DYNC1I1: variants seen among roughly 807,000 people sequenced by gnomAD.
DYNC1I1 encodes dynein cytoplasmic 1 intermediate chain 1.
In DYNC1I1, 43 loss-of-function variants were observed where a neutral mutation model predicts 86.6. The ratio of observed to expected loss-of-function variants is 0.50; its 90% CI spans 0.39 to 0.64. DYNC1I1 has a LOEUF of 0.64. Ranked by LOEUF, DYNC1I1 falls within the 30% of genes least tolerant of loss-of-function variation. DYNC1I1 has a pLI of 0.00. For synonymous variants in DYNC1I1, 262 were observed against 283.7 expected (o/e 0.92, Z 0.77); for missense variants, 604 against 788.8 (o/e 0.77, Z 2.81).
chr7:96,094,182 A>G (rs1790929750), intron 16 of DYNC1I1, among the ~76,000 whole-genome samples: 1 of 152,154 alleles, frequency 6.6e-6, no homozygotes, highest in Non-Finnish European at 1.5e-5. Context: ...ATGATTCACT[A>G]CTGTATCTTT....
At chr7:95,830,200 T>G (rs1292061613) in intron 5 of DYNC1I1, among the ~76,000 whole-genome samples, 1 of 152,156 alleles carries the variant, frequency 6.6e-6, no homozygotes, top group African/African-American at 2.4e-5. Context: ...TTTAACACCT[T>G]TACTGAAGTA....
chr7:95,796,292 GTC>G (rs574506893), intron 1 of DYNC1I1, among the ~76,000 whole-genome samples: 1 of 151,368 alleles, frequency 6.6e-6, no homozygotes, highest in Admixed American at 6.6e-5. Flanking sequence ...GTTCTATGGG[GTC>G]TCTCTCTCTC....
intron 5 of DYNC1I1, among the ~76,000 whole-genome samples, chr7:95,829,505 T>C (rs1795274703): frequency 6.6e-6 from 1 of 152,124 alleles, no homozygotes; most frequent in Non-Finnish European, 1.5e-5. Context: ...AACTTCAGAA[T>C]GCAGTTCTTC....
intron 6 of DYNC1I1, among the ~76,000 whole-genome samples, chr7:95,967,211 T>A (rs2116527906): frequency 6.6e-6 from 1 of 152,282 alleles, no homozygotes; most frequent in East Asian, 1.9e-4. Flanking sequence ...TAGAGAATGA[T>A]AAATGCCATA....
chr7:95,923,324 G>A (rs2116384522), intron 6 of DYNC1I1, among the ~76,000 whole-genome samples: 1 of 152,234 alleles, frequency 6.6e-6, no homozygotes, highest in South Asian at 2.1e-4. Flanking sequence ...TTAGGACATA[G>A]TTAATAAAGC....
chr7:95,826,691 G>A (rs1795210109), intron 4 of DYNC1I1, among the ~76,000 whole-genome samples: 1 of 152,104 alleles, frequency 6.6e-6, no homozygotes, highest in Admixed American at 6.6e-5. Context: ...ATAAAGCAGG[G>A]GAAAGGAAGG....
intron 14 of DYNC1I1, among the ~76,000 whole-genome samples, chr7:96,060,123 C>G (rs1253609095): frequency 1.3e-5 from 2 of 152,198 alleles, no homozygotes; most frequent in African/African-American, 4.8e-5. Flanking sequence ...AACTAAAGTT[C>G]TATTCACAGT....
At chr7:95,796,331 C>A (rs77925818) in intron 1 of DYNC1I1, among the ~76,000 whole-genome samples, 1 of 151,960 alleles carries the variant, frequency 6.6e-6, no homozygotes, top group Admixed American at 6.6e-5. Context: ...TCTTTCTTGA[C>A]GGAGTTTCAC....
chr7:95,968,134 G>A (rs768966960), intron 6 of DYNC1I1, among the ~76,000 whole-genome samples: 20 of 151,760 alleles, frequency 1.3e-4, no homozygotes, highest in Non-Finnish European at 2.1e-4. Flanking sequence ...AAAGAGGTTA[G>A]AGGTAGGGAA....
chr7:96,069,942 G>T (rs1466605412), intron 14 of DYNC1I1, among the ~76,000 whole-genome samples: 1 of 152,048 alleles, frequency 6.6e-6, no homozygotes, highest in Non-Finnish European at 1.5e-5. Context: ...AACTAATTCA[G>T]GTTAAAGTCC....
downstream of DYNC1I1, among the ~76,000 whole-genome samples, chr7:96,100,528 G>A (rs1165482748): frequency 6.6e-6 from 1 of 151,984 alleles, no homozygotes; most frequent in African/African-American, 2.4e-5. Flanking sequence ...CAAAAGAATT[G>A]CAAAAATTAG....
intron 6 of DYNC1I1, among the ~76,000 whole-genome samples, chr7:95,927,837 C>G (rs562244537): frequency 6.6e-6 from 1 of 152,310 alleles, no homozygotes; most frequent in South Asian, 2.1e-4. Flanking sequence ...AAGACCAGAA[C>G]TGATGCCAGC....
intron 6 of DYNC1I1, among the ~76,000 whole-genome samples, chr7:95,946,927 A>G (rs140459558): frequency 2.1e-3 from 320 of 152,332 alleles, no homozygotes; most frequent in Non-Finnish European, 3.2e-3. Flanking sequence ...TCTCTGGCAT[A>G]GGATGGATAC....
intron 6 of DYNC1I1, among the ~76,000 whole-genome samples, chr7:95,938,605 A>AT (rs1424265513): frequency 2.0e-5 from 3 of 152,044 alleles, no homozygotes; most frequent in Non-Finnish European, 4.4e-5. Context: ...CAAGTTATTG[A>AT]TTTTTTCTGC....
At chr7:96,068,433 T>A (rs1165710213) in intron 14 of DYNC1I1, among the ~76,000 whole-genome samples, 1 of 152,088 alleles carries the variant, frequency 6.6e-6, no homozygotes, top group Non-Finnish European at 1.5e-5. Context: ...GATGTGGGAG[T>A]GCAGAGCTAC....
At chr7:96,071,815 T>C (rs1790169815) in intron 14 of DYNC1I1, among the ~76,000 whole-genome samples, 1 of 152,200 alleles carries the variant, frequency 6.6e-6, no homozygotes, top group Admixed American at 6.5e-5. Context: ...AGTTACATAG[T>C]ATGTGCTTAG....
chr7:96,045,634 A>G (rs1436778111), intron 14 of DYNC1I1, among the ~76,000 whole-genome samples: 2 of 152,202 alleles, frequency 1.3e-5, no homozygotes, highest in Non-Finnish European at 2.9e-5. Context: ...ATGATAATGA[A>G]CAGCTTCTAC....
intron 14 of DYNC1I1, among the ~76,000 whole-genome samples, chr7:96,040,129 G>T (rs377213375): frequency 6.6e-6 from 1 of 152,014 alleles, no homozygotes; most frequent in South Asian, 2.1e-4. Flanking sequence ...AGCTACTCTC[G>T]AGGCTGAGGC....
chr7:95,835,788 T>C (rs1479663910), intron 5 of DYNC1I1, among the ~76,000 whole-genome samples: 1 of 151,920 alleles, frequency 6.6e-6, no homozygotes, highest in African/African-American at 2.4e-5. Context: ...GAGACTAGGA[T>C]TGCAACCCCT....
Sources: allele counts gnomAD v4.1 joint callset (sites outside exome capture counted in the v4.1 genomes callset), GRCh38; gene constraint gnomAD v4.1.1; transcripts MANE v1.5; gene names NCBI Gene and HGNC (gene_info 2026-07-23, HGNC 2026-07-21).